Variants in ATRNL1 observed in about 807,000 individuals in gnomAD.
The protein encoded by ATRNL1 is attractin-like protein 1.
A neutral mutation model predicts 182.7 loss-of-function variants in ATRNL1; 95 were observed. That is an observed-to-expected ratio of 0.52 (90% confidence interval 0.44 to 0.62). The LOEUF is 0.62. Among genes scored for constraint, ATRNL1 ranks in the 20% least tolerant of loss-of-function variants. The pLI is 0.00. For synonymous variants in ATRNL1, 576 were observed against 568.3 expected, an observed-to-expected ratio of 1.01 and a Z score of -0.19; for missense variants, 1,471 against 1,679.5, an observed-to-expected ratio of 0.88 and a Z score of 2.17.
chr10:115,936,735 C>T (rs1197736454), intron 28 of ATRNL1, among the ~76,000 whole-genome samples: 3 of 152,038 alleles, frequency 2.0e-5, no homozygotes, highest in Non-Finnish European at 4.4e-5. Flanking sequence ...TCCATTTCTT[C>T]AATGAGCAGT....
chr10:115,395,675 G>T (rs142976032), intron 20 of ATRNL1, among the ~76,000 whole-genome samples: 1,607 of 151,512 alleles, frequency 0.011, 20 homozygotes, highest in Non-Finnish European at 0.013. Flanking sequence ...CTTTCAGTAT[G>T]CAGGAACCCT....
intron 28 of ATRNL1, among the ~76,000 whole-genome samples, chr10:115,853,849 T>C (rs1812841384): frequency 1.3e-5 from 2 of 152,124 alleles, no homozygotes; most frequent in Non-Finnish European, 2.9e-5. Context: ...TAAGAACAAA[T>C]ATCTGAGATT....
intron 27 of ATRNL1, among the ~76,000 whole-genome samples, chr10:115,818,429 T>A (rs1555089258): frequency 6.6e-6 from 1 of 152,142 alleles, no homozygotes; most frequent in East Asian, 1.9e-4. Context: ...GCCATTATAT[T>A]GATGGCTTAA....
chr10:115,245,288 C>T (rs1332853436), intron 10 of ATRNL1, among the ~76,000 whole-genome samples: 2 of 151,774 alleles, frequency 1.3e-5, no homozygotes, highest in East Asian at 1.9e-4. Flanking sequence ...CACCTGAGGT[C>T]GAGAGTTTGA....
chr10:115,594,040 G>T (rs1856077496), intron 26 of ATRNL1, among the ~76,000 whole-genome samples: 1 of 151,786 alleles, frequency 6.6e-6, no homozygotes, highest in Non-Finnish European at 1.5e-5. Flanking sequence ...CTTTATATTT[G>T]ATCTATTTAT....
intron 24 of ATRNL1, among the ~76,000 whole-genome samples, chr10:115,475,122 G>T (rs1200680851): frequency 6.6e-6 from 1 of 151,284 alleles, no homozygotes; most frequent in East Asian, 1.9e-4. Context: ...CTTAAATTAT[G>T]GTTCACAGCA....
At chr10:115,906,224 A>G (rs966707062) in intron 28 of ATRNL1, among the ~76,000 whole-genome samples, 5 of 152,194 alleles carry the variant, frequency 3.3e-5, no homozygotes, top group Admixed American at 6.5e-5. Flanking sequence ...TACATTTAAC[A>G]TGCATGATTT....
intron 27 of ATRNL1, among the ~76,000 whole-genome samples, chr10:115,784,776 A>T (rs1949355905): frequency 6.6e-6 from 1 of 152,132 alleles, no homozygotes; most frequent in South Asian, 2.1e-4. Flanking sequence ...TGGCCTTCTT[A>T]TAAAGATAGC....
intron 26 of ATRNL1, among the ~76,000 whole-genome samples, chr10:115,563,688 CAT>C (rs1411439370): frequency 1.3e-5 from 2 of 152,084 alleles, no homozygotes; most frequent in Non-Finnish European, 2.9e-5. Context: ...TTTAACAATA[CAT>C]AGTTGTCTTA....
intron 19 of ATRNL1, among the ~76,000 whole-genome samples, chr10:115,379,123 C>A (rs941268918): frequency 6.6e-6 from 1 of 151,956 alleles, no homozygotes; most frequent in Non-Finnish European, 1.5e-5. Flanking sequence ...GATACTGCAA[C>A]TTTATATTCT....
rs1564826762 is a variant in ATRNL1 at position 115,215,853 on chromosome 10, A to G, written c.1505A>G (p.Tyr502Cys). The G allele has an allele frequency of 6.3e-7, 1 of 1,578,000 alleles. No individual in the cohort carries two copies. The highest frequency in any genetic ancestry group is 2.3e-5 in the East Asian group (1 of 43,026). ...AAATATGGATTGGTTGATGATCTTT[A>G]TAAATATGAAGTTAACACTAAGACT... ...GNKYGLVDDL[Y>C]KYEVNTKTWT... The change falls in exon 9 of 29, where the codon TAT (tyrosine) becomes TGT (cysteine). Residue 502 changes from tyrosine to cysteine, a missense_variant. By Grantham distance (194) the Tyr-to-Cys change is radical (BLOSUM62 -2). This residue lies in a region of ATRNL1 where 1,031 missense variants were observed against 1,156.0 expected (regional missense o/e 0.89). Coordinates refer to ENST00000355044, the MANE Select transcript of ATRNL1 (RefSeq NM_207303.4).
Position 115,207,335 on chromosome 10 carries a change from T to A in ATRNL1, c.1349-8362T>A, listed in dbSNP as rs1201425372. ...GTAAAAGCATTCCTATTTCTCCACA[T>A]CCTCTCCAGCATCTGTTGTTTCCTG... is the stretch of plus-strand genomic sequence containing the variant. On this transcript the variant is annotated intron_variant, in intron 8 of 28. Coordinates refer to ENST00000355044, the MANE Select transcript of ATRNL1 (RefSeq NM_207303.4). Among the ~76,000 whole-genome samples, 4 of 152,092 alleles carry A rather than the reference T, an allele frequency of 2.6e-5. No homozygotes were observed. The East Asian group carries it at 7.7e-4, about 29-fold the overall frequency.
chr10:115,570,274 T>C (rs1465574746), intron 26 of ATRNL1, among the ~76,000 whole-genome samples: 1 of 152,190 alleles, frequency 6.6e-6, no homozygotes, highest in African/African-American at 2.4e-5. Flanking sequence ...TGCCATCTCT[T>C]TTATTAAAGC....
chr10:115,244,872 A>G (rs541086814), intron 10 of ATRNL1, among the ~76,000 whole-genome samples: 1 of 152,332 alleles, frequency 6.6e-6, no homozygotes, highest in African/African-American at 2.4e-5. Context: ...ATAGAGGATA[A>G]CAGAAACATG....
chr10:115,154,382 A>G (rs1846395779), intron 5 of ATRNL1, among the ~76,000 whole-genome samples: 1 of 152,062 alleles, frequency 6.6e-6, no homozygotes, highest in Non-Finnish European at 1.5e-5. Flanking sequence ...TGCTTTATGA[A>G]TCTGGGTGTT....
chr10:115,683,051 A>G (rs1168809303), intron 26 of ATRNL1, among the ~76,000 whole-genome samples: 1 of 152,040 alleles, frequency 6.6e-6, no homozygotes, highest in African/African-American at 2.4e-5. Context: ...GCTATTATTA[A>G]GTACATATTA....
At chr10:115,663,857 A>C (rs1175681167) in intron 26 of ATRNL1, among the ~76,000 whole-genome samples, 1 of 151,690 alleles carries the variant, frequency 6.6e-6, no homozygotes, top group East Asian at 1.9e-4. Context: ...TACTTTTAGC[A>C]CAGTGGCCCC....
At chr10:115,125,088 A>G (rs556212234) in intron 3 of ATRNL1, among the ~76,000 whole-genome samples, 1 of 152,310 alleles carries the variant, frequency 6.6e-6, no homozygotes, top group East Asian at 1.9e-4. Flanking sequence ...ATTTTAGGGC[A>G]ATAGTTGAAA....
intron 1 of ATRNL1, among the ~76,000 whole-genome samples, chr10:115,108,513 G>A (rs1844120911): frequency 6.6e-6 from 1 of 152,136 alleles, no homozygotes; most frequent in Non-Finnish European, 1.5e-5. Flanking sequence ...TTTCTGTAGG[G>A]GTCACAGATT....
Sources: allele counts gnomAD v4.1 joint callset (sites outside exome capture counted in the v4.1 genomes callset), GRCh38; gene constraint gnomAD v4.1.1; regional missense constraint gnomAD v4.1.1; transcripts MANE v1.5; gene names NCBI Gene and HGNC (gene_info 2026-07-23, HGNC 2026-07-21).